VPS13C: variants seen among roughly 807,000 people sequenced by gnomAD.
The protein encoded by VPS13C is vacuolar protein sorting 13 homolog C, also known as intermembrane lipid transfer protein VPS13C.
VPS13C carries 358 observed loss-of-function variants against 456.8 expected under a neutral mutation model. The observed-to-expected ratio is 0.78, with a 90% CI of 0.72 to 0.86. The LOEUF (loss-of-function observed/expected upper bound fraction) is 0.86. Among genes scored for constraint, VPS13C ranks in the 40% least tolerant of loss-of-function variants. The pLI is 0.00. For missense variants in VPS13C, 4,818 were observed against 4,385.4 expected (o/e 1.10, Z -2.79); for synonymous variants, 1,578 against 1,486.7 (o/e 1.06, Z -1.41).
rs376518682 is a variant in VPS13C at position 62,000,272 on chromosome 15, G to A, written c.1353+292C>T. Among the ~76,000 whole-genome samples, 31 of 152,246 alleles carry A rather than the reference G, an allele frequency of 2.0e-4. No individual in the cohort carries two copies. The East Asian group carries it at 5.6e-3, about 28-fold the overall frequency. On this transcript the variant is annotated intron_variant, in intron 16 of 84. Coordinates refer to ENST00000644861, the MANE Select transcript of VPS13C (RefSeq NM_020821.3). ...TCCCAGCTCTCAGGAGGCTGAGGTA[G>A]GAGAATCACTTGCACCCGGGAGGCA...
At chr15:62,002,835 C>T (rs28763421) in intron 15 of VPS13C, among the ~76,000 whole-genome samples, 87,005 of 151,844 alleles carry the variant, frequency 0.57, 25,118 homozygotes, top group Admixed American at 0.64. Context: ...GTTGTAGATA[C>T]GAGGCGTTAT....
intron 77 of VPS13C, among the ~76,000 whole-genome samples, chr15:61,873,834 G>T (rs1473128005): frequency 6.6e-6 from 1 of 151,934 alleles, no homozygotes; most frequent in Admixed American, 6.6e-5. Flanking sequence ...ATACCCAAAA[G>T]AAAAGAAATG....
At chr15:61,928,678 G>C (rs1421221682) in intron 51 of VPS13C, among the ~76,000 whole-genome samples, 1 of 152,006 alleles carries the variant, frequency 6.6e-6, no homozygotes, top group African/African-American at 2.4e-5. Flanking sequence ...CTAGGAGTTT[G>C]AGACCAGCCT....
Position 61,871,969 on chromosome 15 carries a change from A to T in VPS13C, c.10624+20T>A. On this transcript the variant is annotated intron_variant, in intron 79 of 84. Transcript: ENST00000644861. ...TCAAGTCTTCAGACTTTGTAAAGGA[A>T]GGAAATATTTTCAACATACCTTCCA... The T allele has an allele frequency of 6.2e-7, 1 of 1,608,026 alleles. No homozygotes were observed. The highest frequency in any genetic ancestry group is 8.5e-7 in the Non-Finnish European group (1 of 1,176,136).
intron 18 of VPS13C, among the ~76,000 whole-genome samples, chr15:61,985,700 T>G (rs2046027683): frequency 6.6e-6 from 1 of 152,186 alleles, no homozygotes; most frequent in Non-Finnish European, 1.5e-5. Context: ...GTATAGAACA[T>G]CTGCTTGATT....
At chr15:62,043,992 G>A (rs1596527040) in intron 2 of VPS13C, among the ~76,000 whole-genome samples, 1 of 152,042 alleles carries the variant, frequency 6.6e-6, no homozygotes, top group African/African-American at 2.4e-5. Flanking sequence ...TTAGATCAAC[G>A]AAAAACACTC....
chr15:61,904,979 A>G (rs970620714), intron 66 of VPS13C, among the ~76,000 whole-genome samples: 1 of 152,062 alleles, frequency 6.6e-6, no homozygotes, highest in African/African-American at 2.4e-5. Context: ...CCAAAGGATG[A>G]GAAGGGGATT....
rs557141550 is a variant in VPS13C, at chr15:61,927,466, CTAAT to C, written c.6287-150_6287-147del. ...GACAATATTAATTGGTTAATTAATA[CTAAT>C]TATTAAATGATTATTAACAAATGCA... On this transcript the variant is annotated intron_variant, in intron 51 of 84. Transcript: ENST00000644861. The C allele has an allele frequency of 7.6e-3, 4,770 of 625,364 alleles. 30 individuals carry two copies. The highest frequency in any genetic ancestry group is 9.8e-3 in the Non-Finnish European group (3,541 of 360,376). The allele number at this position is 625,364 out of a possible 1,614,324, so 38.7% of individuals were successfully genotyped here.
At chr15:61,944,103 C>T (rs114314630) in intron 45 of VPS13C, among the ~76,000 whole-genome samples, 5,175 of 152,152 alleles carry the variant, frequency 0.034, 181 homozygotes, top group African/African-American at 0.082. Flanking sequence ...CATTTCACAG[C>T]GGTCAGAATG....
At chr15:61,888,097 C>A (rs1193714332) in intron 67 of VPS13C, among the ~76,000 whole-genome samples, 1 of 152,028 alleles carries the variant, frequency 6.6e-6, no homozygotes, top group Non-Finnish European at 1.5e-5. Context: ...ATGAACAGAT[C>A]CTCAACATCA....
chr15:62,038,692 T>C (rs747895538), intron 3 of VPS13C, among the ~76,000 whole-genome samples: 1 of 152,056 alleles, frequency 6.6e-6, no homozygotes, highest in Non-Finnish European at 1.5e-5. Flanking sequence ...TAGAAAATAT[T>C]TGCAAATTAT....
In VPS13C at chr15:61,923,244, C is replaced by T. The variant is rs540040346; in HGVS notation, c.6610-482G>A. Among the ~76,000 whole-genome samples, 6 of 151,344 alleles carry T rather than the reference C, an allele frequency of 4.0e-5. No individual in the cohort carries two copies. In the East Asian group the frequency reaches 1.2e-3, roughly 29 times the overall value. ...AAAGGAAGAAAAAGATATACATTTGCCTTATTAAAGCTGGAAGACTCAAAA... is the reference window on the plus strand; with the variant it reads ...AAAGGAAGAAAAAGATATACATTTGTCTTATTAAAGCTGGAAGACTCAAAA... On this transcript the variant is annotated intron_variant, in intron 53 of 84. Transcript: ENST00000644861.
intron 15 of VPS13C, among the ~76,000 whole-genome samples, chr15:62,001,523 T>TA (rs2046615239): frequency 6.6e-6 from 1 of 152,234 alleles, no homozygotes; most frequent in South Asian, 2.1e-4. Context: ...TTACTTTTTT[T>TA]TTATTATTAG....
intron 18 of VPS13C, among the ~76,000 whole-genome samples, chr15:61,989,106 T>C (rs1402986369): frequency 6.6e-6 from 1 of 151,114 alleles, no homozygotes; most frequent in African/African-American, 2.4e-5. Flanking sequence ...TGAATGAAAA[T>C]GGGGATGGGA....
chr15:62,017,118 A>G (rs1486532539), intron 9 of VPS13C, among the ~76,000 whole-genome samples: 1 of 150,918 alleles, frequency 6.6e-6, no homozygotes, highest in Non-Finnish European at 1.5e-5. Flanking sequence ...TATCCTTCGC[A>G]CACTTGTTGA....
rs2045593995 is a variant in VPS13C at position 61,972,761 on chromosome 15, G to A, written c.2621C>T (p.Ser874Phe). ...SLLLDTVESESDDEYFDAEDG... is the reference protein window; with the variant it reads ...SLLLDTVESEFDDEYFDAEDG... ...TTCAGCATCAAAATACTCATCATCA[G>A]ACTCTAAAGGAAAAAGACATTTATT... Residue 874 changes from serine (S) to phenylalanine (F), a missense_variant, in exon 27 of 85, where the codon TCT becomes TTT. Ser to Phe is a radical substitution (Grantham distance 155). Around this residue, in one of 3 missense-constraint regions of VPS13C, gnomAD observed 4,552 missense variants for 4,130.6 expected, o/e 1.10. Coordinates refer to ENST00000644861, the MANE Select transcript of VPS13C (RefSeq NM_020821.3). 3 of 1,606,488 alleles carry A rather than the reference G, an allele frequency of 1.9e-6. No individual in the cohort carries two copies. Among genetic ancestry groups the A allele is most frequent in the Non-Finnish European group, 2.5e-6 (3 of 1,176,496 alleles).
chr15:62,019,963 C>CATAT (rs34356007), intron 9 of VPS13C, among the ~76,000 whole-genome samples: 1 of 149,060 alleles, frequency 6.7e-6, no homozygotes, highest in Non-Finnish European at 1.5e-5. Context: ...TATATATATA[C>CATAT]ATATATATAT....
intron 53 of VPS13C, among the ~76,000 whole-genome samples, chr15:61,923,794 T>C (rs2140192220): frequency 6.7e-6 from 1 of 150,086 alleles, no homozygotes; most frequent in Middle Eastern, 3.4e-3. Context: ...CACTTATAAT[T>C]AATGCTTCCA....
At chr15:62,040,404 C>T (rs894893771) in intron 3 of VPS13C, among the ~76,000 whole-genome samples, 14 of 151,948 alleles carry the variant, frequency 9.2e-5, no homozygotes, top group Admixed American at 8.5e-4. Context: ...TGATAGAAAC[C>T]TCATTTACCC....
Sources: gnomAD v4.1 joint callset for allele counts (sites outside exome capture counted in the v4.1 genomes callset) on GRCh38, gnomAD v4.1.1 for gene constraint, gnomAD v4.1.1 regional missense constraint, MANE v1.5 for transcripts, NCBI Gene and HGNC (gene_info 2026-07-23, HGNC 2026-07-21) for gene names.